Variants in FHIP1A observed in about 807,000 individuals in gnomAD.
FHIP1A encodes FHF complex subunit HOOK-interacting protein 1A.
In FHIP1A, 61 loss-of-function variants were observed where a neutral mutation model predicts 88.6. That is an observed-to-expected ratio of 0.69 (90% CI 0.56 to 0.85). FHIP1A has a LOEUF of 0.85. Ranked by LOEUF, FHIP1A falls within the 40% of genes least tolerant of loss-of-function variation. FHIP1A has a pLI of 0.00. For synonymous variants in FHIP1A, 478 were observed against 496.0 expected, an observed-to-expected ratio of 0.96 and a Z score of 0.48; for missense variants, 1,154 against 1,273.5, an observed-to-expected ratio of 0.91 and a Z score of 1.43.
At chr4:151,429,618 G>A (rs1733516946) in intron 1 of FHIP1A, among the ~76,000 whole-genome samples, 2 of 152,258 alleles carry the variant, frequency 1.3e-5, no homozygotes, top group African/African-American at 2.4e-5. Context: ...GGAGGCCAAG[G>A]TGGGTGGATC....
chr4:151,595,032 C>T (rs1391129957), intron 7 of FHIP1A, among the ~76,000 whole-genome samples: 1 of 152,122 alleles, frequency 6.6e-6, no homozygotes, highest in Non-Finnish European at 1.5e-5. Context: ...TCCTTCAGTT[C>T]TGCTCTGATC....
chr4:151,632,478 A>T (rs963812413), intron 8 of FHIP1A, among the ~76,000 whole-genome samples: 9 of 151,990 alleles, frequency 5.9e-5, no homozygotes, highest in Non-Finnish European at 1.2e-4. Flanking sequence ...ACTGTAAACC[A>T]ATTGGACCTG....
intron 3 of FHIP1A, among the ~76,000 whole-genome samples, chr4:151,526,497 A>AT (rs1731652009): frequency 2.1e-5 from 2 of 95,210 alleles, no homozygotes; most frequent in African/African-American, 8.4e-5. Context: ...TGACCCCCCC[A>AT]CCTCCCTCCC....
At chr4:151,571,930 G>A (rs1045067960) in intron 4 of FHIP1A, among the ~76,000 whole-genome samples, 8 of 152,214 alleles carry the variant, frequency 5.3e-5, no homozygotes, top group South Asian at 2.1e-4. Flanking sequence ...GAGCATGGCC[G>A]GGTGCAGTGG....
chr4:151,514,646 C>G (rs1028605794), intron 3 of FHIP1A, among the ~76,000 whole-genome samples: 2 of 152,148 alleles, frequency 1.3e-5, no homozygotes, highest in Admixed American at 1.3e-4. Flanking sequence ...CACTGAAATA[C>G]AAACTACTAT....
intron 7 of FHIP1A, among the ~76,000 whole-genome samples, chr4:151,592,424 G>A (rs371190267): frequency 5.3e-5 from 8 of 152,100 alleles, no homozygotes; most frequent in Non-Finnish European, 8.8e-5. Context: ...GTGAGCCACC[G>A]CGCCCGGCTG....
At chr4:151,525,542 A>G (rs977613633) in intron 3 of FHIP1A, among the ~76,000 whole-genome samples, 2 of 152,232 alleles carry the variant, frequency 1.3e-5, no homozygotes, top group Admixed American at 1.3e-4. Context: ...AGATGCCCCC[A>G]ACAAATTGAA....
intron 4 of FHIP1A, among the ~76,000 whole-genome samples, chr4:151,567,158 T>G (rs1273526082): frequency 6.6e-6 from 1 of 152,222 alleles, no homozygotes; most frequent in African/African-American, 2.4e-5. Flanking sequence ...ATTCCGCCCC[T>G]TTCCTTAGGG....
chr4:151,646,434 A>G (rs544595285), intron 9 of FHIP1A, 124 bp from the exon 10 acceptor site: 100 of 631,154 alleles, frequency 1.6e-4, no homozygotes, highest in African/African-American at 3.1e-4. Flanking sequence ...GAGATGATCA[A>G]TTGAGAGCTG....
rs527838960 is a variant in FHIP1A, at chr4:151,666,468, T to C, written c.*3714T>C. 6.6e-6 allele frequency among the ~76,000 whole-genome samples: 1 copy of C among 152,126 alleles called. No homozygotes were observed. The highest frequency in any genetic ancestry group is 1.5e-5 in the Non-Finnish European group (1 of 68,026). On this transcript the variant is annotated 3_prime_UTR_variant, in exon 14 of 14. Coordinates refer to ENST00000435205, the MANE Select transcript of FHIP1A (RefSeq NM_001109977.3). ...AGTACCCTTTCCTTAGCAGGTGGAT[T>C]TTATTTAGGTCAGATATAGTTAGTT...
intron 4 of FHIP1A, 136 bp from the exon 5 acceptor site, chr4:151,577,314 C>A: frequency 1.4e-6 from 1 of 720,196 alleles, no homozygotes; most frequent in Non-Finnish European, 2.3e-6. Flanking sequence ...CACACACACA[C>A]ACACACAATG....
chr4:151,570,418 T>C (rs1733554729), intron 4 of FHIP1A, among the ~76,000 whole-genome samples: 1 of 152,200 alleles, frequency 6.6e-6, no homozygotes, highest in Non-Finnish European at 1.5e-5. Flanking sequence ...GAGTATTCTA[T>C]CACTCTTACA....
chr4:151,631,595 A>G (rs2126880313), intron 8 of FHIP1A, among the ~76,000 whole-genome samples: 1 of 152,304 alleles, frequency 6.6e-6, no homozygotes, highest in East Asian at 1.9e-4. Flanking sequence ...TCCCTCACAG[A>G]GAAACCCACT....
intron 8 of FHIP1A, among the ~76,000 whole-genome samples, chr4:151,632,512 C>T (rs979166411): frequency 1.3e-5 from 2 of 151,956 alleles, no homozygotes; most frequent in Non-Finnish European, 2.9e-5. Flanking sequence ...AAATACTCCA[C>T]CCAGCAATGG....
chr4:151,649,525 C>T lies in FHIP1A; in HGVS notation c.1484C>T (p.Ala495Val), dbSNP rs372152751. 1.9e-6 allele frequency: 3 copies of T among 1,551,578 alleles called. No homozygotes were observed. Among genetic ancestry groups the T allele is most frequent in the African/African-American group, 2.7e-5 (2 of 73,044 alleles). The change falls in exon 11 of 14, where the codon GCC (alanine) becomes GTC (valine). Residue 495 changes from alanine (A) to valine (V), a missense_variant. Physicochemically the swap from Ala to Val is moderately conservative, Grantham distance 64. Coordinates refer to ENST00000435205, the MANE Select transcript of FHIP1A (RefSeq NM_001109977.3). Reference sequence around the variant, plus strand: ...GCCTGCATTGTGGAGTATGGGAAAGCCCTGGACATCAGCTACCTGCAGTAC... The same window carrying T: ...GCCTGCATTGTGGAGTATGGGAAAGTCCTGGACATCAGCTACCTGCAGTAC... Reference protein sequence around the residue: ...ESACIVEYGKALDISYLQYLW... With the variant: ...ESACIVEYGKVLDISYLQYLW...
At chr4:151,530,480 C>T (rs1481856299) in intron 3 of FHIP1A, among the ~76,000 whole-genome samples, 2 of 152,130 alleles carry the variant, frequency 1.3e-5, no homozygotes, top group Non-Finnish European at 2.9e-5. Flanking sequence ...ACAGATTTGC[C>T]ATTTCTTTTT....
intron 7 of FHIP1A, among the ~76,000 whole-genome samples, chr4:151,625,063 C>A (rs1030088284): frequency 6.6e-6 from 1 of 152,196 alleles, no homozygotes; most frequent in African/African-American, 2.4e-5. Context: ...GTGCCTCCCA[C>A]CTGTCCGTTG....
At chr4:151,498,109 AGTT>A (rs1465791804) in intron 3 of FHIP1A, among the ~76,000 whole-genome samples, 1 of 152,152 alleles carries the variant, frequency 6.6e-6, no homozygotes, top group Non-Finnish European at 1.5e-5. Context: ...TTGTATTCAG[AGTT>A]GAGTCCCTGA....
intron 2 of FHIP1A, among the ~76,000 whole-genome samples, chr4:151,468,178 C>T (rs578019426): frequency 4.0e-5 from 6 of 148,890 alleles, no homozygotes; most frequent in Non-Finnish European, 4.4e-5. Flanking sequence ...CCAGCTACTC[C>T]GGCGGCTGAG....
Sources: allele counts gnomAD v4.1 joint callset (sites outside exome capture counted in the v4.1 genomes callset), GRCh38; gene constraint gnomAD v4.1.1; transcripts MANE v1.5; gene names NCBI Gene and HGNC (gene_info 2026-07-23, HGNC 2026-07-21).